The following HTR2A variants were observed in gnomAD, a reference collection of about 807,000 sequenced individuals.
HTR2A encodes 5-hydroxytryptamine receptor 2A.
A neutral mutation model predicts 31.0 loss-of-function variants in HTR2A; 14 were observed. That is an observed-to-expected ratio of 0.45 (90% CI 0.30 to 0.71). The LOEUF (loss-of-function observed/expected upper bound fraction) is 0.71. Among genes scored for constraint, HTR2A ranks in the 30% least tolerant of loss-of-function variants. The pLI, the probability that HTR2A is intolerant of heterozygous loss-of-function variation, is 0.09. For missense variants in HTR2A, 442 were observed against 573.3 expected (o/e 0.77, Z 2.34); for synonymous variants, 209 against 225.2 (o/e 0.93, Z 0.64).
At chr13:46,839,006 A>G (rs777349910) in intron 3 of HTR2A, among the ~76,000 whole-genome samples, 4 of 147,432 alleles carry the variant, frequency 2.7e-5, no homozygotes, top group Non-Finnish European at 5.9e-5. Flanking sequence ...ACACACACAC[A>G]CACCCTTACA....
rs571438222 is a variant in HTR2A, at chr13:46,882,979, A to G, written c.613+9411T>C. ...ACAGAGAGGTGAAGTAACTTGCCCA[A>G]GGTCACACAGCTTAGAAGGGACAGA... On this transcript the variant is annotated intron_variant, in intron 3 of 3. Transcript: ENST00000542664. Among the ~76,000 whole-genome samples, 279 of 152,370 alleles carry G rather than the reference A, an allele frequency of 1.8e-3. 1 individual carries two copies. Among genetic ancestry groups the G allele is most frequent in the South Asian group, 4.6e-3 (22 of 4,822 alleles).
chr13:46,846,368 T>C (rs749672146), intron 3 of HTR2A, among the ~76,000 whole-genome samples: 2 of 152,104 alleles, frequency 1.3e-5, no homozygotes, highest in Non-Finnish European at 2.9e-5. Flanking sequence ...ATGCCCAGAG[T>C]TCTTCATTAA....
rs1950652295 is a variant in HTR2A at position 46,847,577 on chromosome 13, T to G, written c.614-11938A>C. ...AAAACAGATCTGTGGGCTAGACACA[T>G]TTTTCATTATTCAATTAGCTTGGCA... On this transcript the variant is annotated intron_variant, in intron 3 of 3. Coordinates refer to ENST00000542664, the MANE Select transcript of HTR2A (RefSeq NM_000621.5). Among the ~76,000 whole-genome samples, 3 of 152,310 alleles carry G rather than the reference T, an allele frequency of 2.0e-5. No homozygotes were observed. The South Asian group carries it at 6.2e-4, about 32-fold the overall frequency.
chr13:46,851,270 T>C (rs1445577662), intron 3 of HTR2A, among the ~76,000 whole-genome samples: 1 of 152,134 alleles, frequency 6.6e-6, no homozygotes, highest in Non-Finnish European at 1.5e-5. Flanking sequence ...TTTCTAATTT[T>C]AAAAGACATA....
chr13:46,839,427 C>T (rs1950582720), intron 3 of HTR2A, among the ~76,000 whole-genome samples: 1 of 152,156 alleles, frequency 6.6e-6, no homozygotes, highest in Non-Finnish European at 1.5e-5. Context: ...GCATGTGCCT[C>T]TACCAAGAGA....
intron 3 of HTR2A, among the ~76,000 whole-genome samples, chr13:46,879,446 G>A (rs986021530): frequency 6.6e-6 from 1 of 152,192 alleles, no homozygotes; most frequent in African/African-American, 2.4e-5. Context: ...TTTGCGACAT[G>A]AATGAAAGGT....
chr13:46,884,651 A>C (rs1950992006), intron 3 of HTR2A, among the ~76,000 whole-genome samples: 1 of 152,172 alleles, frequency 6.6e-6, no homozygotes. Context: ...GCAACAGAGC[A>C]AGACTCTGTC....
chr13:46,885,772 A>T (rs181085719), intron 3 of HTR2A, among the ~76,000 whole-genome samples: 15 of 152,334 alleles, frequency 9.8e-5, no homozygotes, highest in African/African-American at 3.4e-4. Context: ...CATTTTGCCA[A>T]TTGGATAAGT....
At chr13:46,863,330 A>T (rs1383433268) in intron 3 of HTR2A, among the ~76,000 whole-genome samples, 3 of 152,128 alleles carry the variant, frequency 2.0e-5, no homozygotes, top group East Asian at 1.9e-4. Context: ...TCCTTTGTCA[A>T]CTTGTAATTG....
intron 3 of HTR2A, among the ~76,000 whole-genome samples, chr13:46,884,194 C>G (rs1184777888): frequency 6.6e-6 from 1 of 152,228 alleles, no homozygotes; most frequent in Non-Finnish European, 1.5e-5. Context: ...CGCCTGTAAT[C>G]CCAGCACTTT....
rs898479300 is a variant in HTR2A at position 46,851,932 on chromosome 13, G to T, written c.614-16293C>A. 2.0e-5 allele frequency among the ~76,000 whole-genome samples: 3 copies of T among 152,202 alleles called. No homozygotes were observed. In the East Asian group the frequency reaches 5.8e-4, roughly 29 times the overall value. ...CAATCAGCTGAGCTGGAAATAATTAGAGTGCCCTGGATTATCCAGGTGGGC... is the reference window on the plus strand; with the variant it reads ...CAATCAGCTGAGCTGGAAATAATTATAGTGCCCTGGATTATCCAGGTGGGC... On this transcript the variant is annotated intron_variant, in intron 3 of 3. Coordinates refer to ENST00000542664, the MANE Select transcript of HTR2A (RefSeq NM_000621.5).
chr13:46,891,136 C>T (rs749355048), intron 3 of HTR2A, among the ~76,000 whole-genome samples: 2 of 152,196 alleles, frequency 1.3e-5, no homozygotes, highest in Non-Finnish European at 2.9e-5. Context: ...CACAATACCT[C>T]TGTATTCTGG....
chr13:46,859,847 C>T (rs145445505), intron 3 of HTR2A, among the ~76,000 whole-genome samples: 2 of 152,304 alleles, frequency 1.3e-5, no homozygotes, highest in East Asian at 3.9e-4. Flanking sequence ...ATTGTGCCTG[C>T]TTCTTTTACC....
chr13:46,882,052 G>A (rs1950968965), intron 3 of HTR2A, among the ~76,000 whole-genome samples: 1 of 151,872 alleles, frequency 6.6e-6, no homozygotes, highest in African/African-American at 2.4e-5. Flanking sequence ...TAGAATTTGA[G>A]GTTGCTCATA....
At chr13:46,844,110 A>C (rs575956811) in intron 3 of HTR2A, among the ~76,000 whole-genome samples, 14 of 152,104 alleles carry the variant, frequency 9.2e-5, no homozygotes, top group Non-Finnish European at 1.6e-4. Context: ...ATATCTTAGA[A>C]TTTTTCTCTA....
intron 3 of HTR2A, among the ~76,000 whole-genome samples, chr13:46,863,630 G>GAAAAAGAAAAAA (rs1950796841): frequency 1.7e-5 from 1 of 59,254 alleles, no homozygotes; most frequent in Non-Finnish European, 2.9e-5. Context: ...CCCTCAAAAT[G>GAAAAAGAAAAAA]AAAAAAAAAA....
intron 3 of HTR2A, among the ~76,000 whole-genome samples, chr13:46,874,845 G>A (rs1353796547): frequency 6.6e-6 from 1 of 152,238 alleles, no homozygotes; most frequent in Admixed American, 6.5e-5. Context: ...CCACAGGTGT[G>A]TGGTTGGGGA....
At chr13:46,857,274 G>A (rs900190451) in intron 3 of HTR2A, among the ~76,000 whole-genome samples, 9 of 150,148 alleles carry the variant, frequency 6.0e-5, no homozygotes, top group African/African-American at 2.0e-4. Context: ...ACTCCAGCCT[G>A]GTGACAGAGC....
intron 3 of HTR2A, among the ~76,000 whole-genome samples, chr13:46,873,746 T>G (rs1451288452): frequency 1.3e-5 from 2 of 152,218 alleles, no homozygotes; most frequent in Admixed American, 1.3e-4. Context: ...GATTTCCAAT[T>G]TACTTTCAAA....
Sources: allele counts gnomAD v4.1 joint callset (sites outside exome capture counted in the v4.1 genomes callset), GRCh38; gene constraint gnomAD v4.1.1; transcripts MANE v1.5; gene names NCBI Gene and HGNC (gene_info 2026-07-23, HGNC 2026-07-21).